Variants in ZHX1 observed in about 807,000 individuals in gnomAD.
The protein encoded by ZHX1 is zinc fingers and homeoboxes protein 1.
Under a neutral mutation model 61.8 loss-of-function variants are expected in ZHX1, and 20 were observed. That is an observed-to-expected ratio of 0.32 (90% confidence interval 0.23 to 0.47). ZHX1 has a LOEUF of 0.47. ZHX1 is among the 20% of genes least tolerant of loss of function. The pLI is 1.00. For synonymous variants in ZHX1, 318 were observed against 352.6 expected (o/e 0.90, Z 1.10); for missense variants, 800 against 1,034.8 (o/e 0.77, Z 3.11).
chr8:123,263,269 C>A (rs1043408898), intron 2 of ZHX1, among the ~76,000 whole-genome samples: 23 of 151,862 alleles, frequency 1.5e-4, no homozygotes, highest in Non-Finnish European at 2.4e-4. Flanking sequence ...TATCTGTATA[C>A]TGGATCTTCT....
intron 2 of ZHX1, among the ~76,000 whole-genome samples, chr8:123,257,829 C>G (rs557122012): frequency 2.0e-5 from 3 of 152,258 alleles, no homozygotes; most frequent in African/African-American, 7.2e-5. Context: ...TGGATTGGTA[C>G]TGGTCCATGG....
intron 3 of ZHX1, 124 bp downstream of exon 3, chr8:123,253,198 T>C (rs763599614): frequency 9.3e-5 from 68 of 733,442 alleles, no homozygotes; most frequent in Non-Finnish European, 1.3e-4. Context: ...CCTAGTCTTA[T>C]TAGGGAAAAG....
chr8:123,265,723 G>A (rs967154010), intron 2 of ZHX1, among the ~76,000 whole-genome samples: 14 of 152,020 alleles, frequency 9.2e-5, no homozygotes, highest in Non-Finnish European at 1.9e-4. Flanking sequence ...TGAGAGATAA[G>A]TCTCAAGAAA....
intron 1 of ZHX1, among the ~76,000 whole-genome samples, chr8:123,273,080 T>C (rs1293772070): frequency 6.6e-6 from 1 of 152,164 alleles, no homozygotes; most frequent in Non-Finnish European, 1.5e-5. Flanking sequence ...CCCTAGTCTC[T>C]GTTCTAATTC....
Position 123,253,416 on chromosome 8 carries a change from T to A in ZHX1, c.2531A>T (p.Asp844Val), listed in dbSNP as rs1258499317. ...ENEEEDEVID[D>V]QEEDEEETDD... The stretch of plus-strand genomic sequence containing the variant: ...TGTTTCTTCTTCATCCTCTTCCTGG[T>A]CATCAATAACTTCATCTTCCTCCTC... Residue 844 changes from aspartate (D) to valine (V), a missense_variant, in exon 3 of 4, where the codon GAC becomes GTC. By Grantham distance (152) the Asp-to-Val change is radical. Transcript: ENST00000395571. 2.5e-6 allele frequency: 4 copies of A among 1,613,960 alleles called. No homozygotes were observed. The African/African-American group carries it at 5.3e-5, about 22-fold the overall frequency.
Position 123,249,847 on chromosome 8 carries a change from T to TTTG in ZHX1, c.*476_*477insCAA, listed in dbSNP as rs1825873211. 1 of 145,562 alleles carries TTTG rather than the reference T, an allele frequency of 6.9e-6. No homozygotes were observed. The highest frequency in any genetic ancestry group is 2.8e-5 in the African/African-American group (1 of 35,396). 9.0% of individuals were successfully genotyped at this position (145,562 alleles called of 1,614,324 possible). ...TAGTAATAAATCAGGGTTTTTTTTT[T>TTTG]TTTTTTTTTTTTACCCATTTCTAAC... On this transcript the variant is annotated 3_prime_UTR_variant, in exon 4 of 4. Transcript: ENST00000395571.
intron 2 of ZHX1, among the ~76,000 whole-genome samples, chr8:123,258,551 T>C (rs1043198032): frequency 2.6e-5 from 4 of 152,174 alleles, no homozygotes; most frequent in African/African-American, 9.7e-5. Flanking sequence ...AGCTGAGCTA[T>C]TTTGGCTGAC....
At chr8:123,263,216 A>T (rs1826340511) in intron 2 of ZHX1, among the ~76,000 whole-genome samples, 1 of 152,032 alleles carries the variant, frequency 6.6e-6, no homozygotes, top group Non-Finnish European at 1.5e-5. Context: ...ACTCAAACAC[A>T]ATCTCCAGGG....
In ZHX1 at chr8:123,255,868, C is replaced by T; in HGVS notation, c.79G>A (p.Asp27Asn). The T allele has an allele frequency of 1.2e-6, 2 of 1,614,186 alleles. No homozygotes were observed. The highest frequency in any genetic ancestry group is 8.5e-7 in the Non-Finnish European group (1 of 1,180,024). ...EQDPDLELIS[D>N]LDEGPPVLTP... ...AGCACAGGAGGACCTTCATCCAAAT[C>T]TGATATCAACTCAAGGTCTGGATCT... Residue 27 changes from aspartate (D) to asparagine (N), a missense_variant, in exon 3 of 4, where the codon GAT becomes AAT. Asp to Asn is a conservative substitution (Grantham distance 23, BLOSUM62 1). Coordinates refer to ENST00000395571, the MANE Select transcript of ZHX1 (RefSeq NM_007222.5).
chr8:123,265,017 T>C (rs1030563295), intron 2 of ZHX1, among the ~76,000 whole-genome samples: 3 of 150,782 alleles, frequency 2.0e-5, no homozygotes, highest in Non-Finnish European at 4.4e-5. Context: ...GGTGAAACCC[T>C]GTCTCTACTA....
intron 1 of ZHX1, among the ~76,000 whole-genome samples, chr8:123,273,545 T>A (rs1826731489): frequency 6.6e-6 from 1 of 152,188 alleles, no homozygotes; most frequent in Non-Finnish European, 1.5e-5. Flanking sequence ...TCCCAGTCTT[T>A]CCCAAAGTTG....
At chr8:123,268,459 T>A (rs1445165949) in intron 1 of ZHX1, among the ~76,000 whole-genome samples, 3 of 152,194 alleles carry the variant, frequency 2.0e-5, no homozygotes, top group African/African-American at 7.2e-5. Flanking sequence ...AGAACAGTCA[T>A]AAATAACACT....
intron 3 of ZHX1, among the ~76,000 whole-genome samples, chr8:123,252,127 G>A (rs930828083): frequency 6.6e-6 from 1 of 152,140 alleles, no homozygotes; most frequent in Non-Finnish European, 1.5e-5. Flanking sequence ...GAGGGTCTAC[G>A]TCTCATTTCC....
chr8:123,265,300 C>G (rs534924033), intron 2 of ZHX1, among the ~76,000 whole-genome samples: 2 of 151,920 alleles, frequency 1.3e-5, no homozygotes, highest in Non-Finnish European at 2.9e-5. Flanking sequence ...AATATACACA[C>G]TGAGAATCCC....
At position 123,253,436 on chromosome 8, in the gene ZHX1, C is replaced by A; in HGVS notation, c.2511G>T (p.Glu837Asp). 6.2e-7 allele frequency: 1 copy of A among 1,613,956 alleles called. No individual in the cohort carries two copies. The change falls in exon 3 of 4, where the codon GAG (glutamate) becomes GAT (aspartate). Residue 837 changes from glutamate (E) to aspartate (D), a missense_variant. By Grantham distance (45) the Glu-to-Asp change is conservative. Transcript: ENST00000395571. ...LGIELFEENE[E>D]EDEVIDDQEE... is the part of the protein sequence containing the mutation. ...CCTGGTCATCAATAACTTCATCTTC[C>A]TCCTCATTTTCCTCAAATAATTCTA...
chr8:123,255,275 A>C lies in ZHX1; in HGVS notation c.672T>G (p.Asn224Lys). The part of the protein sequence containing the change: ...IKPDREEIVE[N>K]PSSSASESNT... Reference sequence around the variant, plus strand: ...TAGATTCAGAAGCTGAAGAACTTGGATTTTCTACAATTTCTTCACGGTCTG... The same window carrying C: ...TAGATTCAGAAGCTGAAGAACTTGGCTTTTCTACAATTTCTTCACGGTCTG... Residue 224 changes from asparagine (N) to lysine (K), a missense_variant, in exon 3 of 4, where the codon AAT becomes AAG. Physicochemically the swap from Asn to Lys is moderately conservative, Grantham distance 94 (BLOSUM62 0). Coordinates refer to ENST00000395571, the MANE Select transcript of ZHX1 (RefSeq NM_007222.5). The C allele has an allele frequency of 6.2e-7, 1 of 1,614,096 alleles. No individual in the cohort carries two copies. Among genetic ancestry groups the C allele is most frequent in the Non-Finnish European group, 8.5e-7 (1 of 1,180,028 alleles).
intron 3 of ZHX1, 186 bp downstream of exon 3, chr8:123,253,130 CATAATA>C (rs753592200): frequency 1.2e-5 from 6 of 484,300 alleles, no homozygotes; most frequent in Non-Finnish European, 2.1e-5. Context: ...TTAAACTCTA[CATAATA>C]ATAATAAAAC....
intron 2 of ZHX1, among the ~76,000 whole-genome samples, chr8:123,260,316 T>G (rs1826207086): frequency 1.3e-5 from 2 of 152,044 alleles, no homozygotes; most frequent in South Asian, 4.2e-4. Context: ...TGCTTAAAAC[T>G]TAAACATATC....
In ZHX1 at chr8:123,255,267, G is replaced by T. The variant is rs952936160; in HGVS notation, c.680C>A (p.Ser227Tyr). ...DREEIVENPS[S>Y]SASESNTSTS... is the part of the protein sequence containing the mutation. ...ACTTGTATTAGATTCAGAAGCTGAA[G>T]AACTTGGATTTTCTACAATTTCTTC... The change falls in exon 3 of 4, where the codon TCT becomes TAT. Residue 227 changes from serine (S) to tyrosine (Y), a missense_variant. Coordinates refer to ENST00000395571, the MANE Select transcript of ZHX1 (RefSeq NM_007222.5). 12 of 1,614,058 alleles carry T rather than the reference G, an allele frequency of 7.4e-6. No homozygotes were observed. The highest frequency in any genetic ancestry group is 1.0e-5 in the Non-Finnish European group (12 of 1,180,046).
Sources: allele counts gnomAD v4.1 joint callset (sites outside exome capture counted in the v4.1 genomes callset), GRCh38; gene constraint gnomAD v4.1.1; transcripts MANE v1.5; gene names NCBI Gene and HGNC (gene_info 2026-07-23, HGNC 2026-07-21).